ZNF385D: variants seen among roughly 807,000 people sequenced by gnomAD.
ZNF385D encodes zinc finger protein 385D, also known as zinc finger protein 659.
Under a neutral mutation model 35.8 loss-of-function variants are expected in ZNF385D, and 15 were observed. The observed-to-expected ratio is 0.42, with a 90% CI of 0.28 to 0.64. ZNF385D has a LOEUF of 0.64. ZNF385D is among the 30% of genes least tolerant of loss of function. The pLI is 0.23. For synonymous variants in ZNF385D, 212 were observed against 186.8 expected (o/e 1.13, Z -1.10); for missense variants, 474 against 494.6 (o/e 0.96, Z 0.39).
At chr3:22,138,359 G>A (rs1351837990) in intron 3 of ZNF385D, among the ~76,000 whole-genome samples, 4 of 152,182 alleles carry the variant, frequency 2.6e-5, no homozygotes, top group Non-Finnish European at 5.9e-5. Flanking sequence ...GCATTGCCAA[G>A]TGAGTCCTAA....
chr3:22,042,626 G>C (rs1162848703), intron 3 of ZNF385D, among the ~76,000 whole-genome samples: 1 of 151,996 alleles, frequency 6.6e-6, no homozygotes. Context: ...TTCTCTGCTG[G>C]GAAAGCCCAT....
At chr3:22,344,876 C>T (rs1465724166) in intron 2 of ZNF385D, among the ~76,000 whole-genome samples, 1 of 152,176 alleles carries the variant, frequency 6.6e-6, no homozygotes, top group African/African-American at 2.4e-5. Flanking sequence ...ACTATTTAAA[C>T]TTCAATGTGC....
chr3:22,033,592 A>T (rs1000175308), intron 3 of ZNF385D, among the ~76,000 whole-genome samples: 2 of 152,058 alleles, frequency 1.3e-5, no homozygotes, highest in African/African-American at 4.8e-5. Context: ...TGTTCAGTGT[A>T]ACCACCCAGA....
chr3:22,219,255 G>C (rs1698093494), intron 2 of ZNF385D, among the ~76,000 whole-genome samples: 1 of 152,040 alleles, frequency 6.6e-6, no homozygotes, highest in African/African-American at 2.4e-5. Flanking sequence ...ATGTGTCTCT[G>C]ATATTTCTAG....
At chr3:21,590,986 G>C (rs2063958954) in intron 2 of ZNF385D, among the ~76,000 whole-genome samples, 1 of 151,922 alleles carries the variant, frequency 6.6e-6, no homozygotes, top group African/African-American at 2.4e-5. Context: ...CTTGAGCCCA[G>C]AAGTTTGAGA....
At chr3:22,298,386 G>A (rs996249560) in intron 2 of ZNF385D, among the ~76,000 whole-genome samples, 4 of 141,844 alleles carry the variant, frequency 2.8e-5, no homozygotes, top group Non-Finnish European at 6.1e-5. Flanking sequence ...GTGTGTGTGT[G>A]TGTGTGTGTA....
chr3:21,932,444 T>C (rs1701060590), intron 3 of ZNF385D, among the ~76,000 whole-genome samples: 1 of 151,948 alleles, frequency 6.6e-6, no homozygotes, highest in South Asian at 2.1e-4. Context: ...ATGCTCAACA[T>C]TGCCTTCAGG....
At chr3:21,972,284 T>G (rs189741418) in intron 3 of ZNF385D, among the ~76,000 whole-genome samples, 16 of 151,934 alleles carry the variant, frequency 1.1e-4, no homozygotes, top group Non-Finnish European at 2.2e-4. Context: ...TAGAAATCAT[T>G]TGGAAAGTAA....
intron 3 of ZNF385D, among the ~76,000 whole-genome samples, chr3:22,044,758 C>G (rs1470045837): frequency 6.6e-6 from 1 of 151,982 alleles, no homozygotes; most frequent in South Asian, 2.1e-4. Context: ...TGGTGGGAGT[C>G]TTTTCTTCCA....
chr3:21,432,719 G>A (rs976590975), intron 5 of ZNF385D, among the ~76,000 whole-genome samples: 11 of 151,612 alleles, frequency 7.3e-5, no homozygotes, highest in Non-Finnish European at 1.0e-4. Context: ...TCCTCTTAAG[G>A]TGTTTAAAAA....
chr3:21,642,524 C>T (rs78749300), intron 2 of ZNF385D, among the ~76,000 whole-genome samples: 1,581 of 152,176 alleles, frequency 0.01, 32 homozygotes, highest in African/African-American at 0.036. Flanking sequence ...GGCCAAGATG[C>T]TCCTTGAAGT....
intron 2 of ZNF385D, among the ~76,000 whole-genome samples, chr3:22,258,321 C>G (rs1257212547): frequency 1.3e-5 from 2 of 151,590 alleles, no homozygotes; most frequent in African/African-American, 4.8e-5. Flanking sequence ...ATGCAATAGC[C>G]AAATAAGCAG....
intron 1 of ZNF385D, among the ~76,000 whole-genome samples, chr3:21,709,966 G>C (rs1218283161): frequency 6.6e-6 from 1 of 152,182 alleles, no homozygotes; most frequent in East Asian, 1.9e-4. Context: ...GCAATAAAAA[G>C]GAACGAGTTA....
At chr3:22,333,078 A>T (rs1259645842) in intron 2 of ZNF385D, among the ~76,000 whole-genome samples, 1 of 152,156 alleles carries the variant, frequency 6.6e-6, no homozygotes, top group Non-Finnish European at 1.5e-5. Context: ...TTTGTTGGAC[A>T]TGGAATTCTA....
intron 1 of ZNF385D, among the ~76,000 whole-genome samples, chr3:21,745,858 A>G (rs973712448): frequency 6.6e-6 from 1 of 152,192 alleles, no homozygotes; most frequent in Non-Finnish European, 1.5e-5. Flanking sequence ...CTTGATTTTT[A>G]AAACCTCTAA....
At chr3:22,369,380 GT>G (rs1696798578) in intron 2 of ZNF385D, among the ~76,000 whole-genome samples, 1 of 152,000 alleles carries the variant, frequency 6.6e-6, no homozygotes, top group Non-Finnish European at 1.5e-5. Flanking sequence ...ACATTTTGCA[GT>G]TTGACGATTC....
intron 3 of ZNF385D, among the ~76,000 whole-genome samples, chr3:21,949,747 C>T (rs1701973284): frequency 6.6e-6 from 1 of 151,876 alleles, no homozygotes; most frequent in African/African-American, 2.4e-5. Flanking sequence ...TGATGTTCCC[C>T]TCCACGCGTC....
intron 2 of ZNF385D, among the ~76,000 whole-genome samples, chr3:22,334,455 T>A (rs1695076822): frequency 1.3e-5 from 2 of 152,268 alleles, no homozygotes; most frequent in Non-Finnish European, 2.9e-5. Context: ...TTTATAGATT[T>A]AATTAAATGT....
chr3:22,345,344 T>C (rs1695610225), intron 2 of ZNF385D, among the ~76,000 whole-genome samples: 1 of 152,184 alleles, frequency 6.6e-6, no homozygotes, highest in Non-Finnish European at 1.5e-5. Flanking sequence ...CAAAAATAAA[T>C]GAACCTACAT....
Sources: allele counts gnomAD v4.1 joint callset (sites outside exome capture counted in the v4.1 genomes callset), GRCh38; gene constraint gnomAD v4.1.1; transcripts MANE v1.5; gene names NCBI Gene and HGNC (gene_info 2026-07-23, HGNC 2026-07-21).